The following UBA1 variants were observed in gnomAD, a reference collection of about 807,000 sequenced individuals.
UBA1 encodes ubiquitin like modifier activating enzyme 1.
Under a neutral mutation model 84.7 loss-of-function variants are expected in UBA1, and 4 were observed. The observed-to-expected ratio is 0.05, with a 90% CI of 0.02 to 0.11. The LOEUF (loss-of-function observed/expected upper bound fraction) is 0.11. Among genes scored for constraint, UBA1 ranks in the 10% least tolerant of loss-of-function variants. The probability of loss-of-function intolerance (pLI) is 1.00; values close to 1 mark genes in which losing one functional copy is unlikely to be tolerated. For synonymous variants in UBA1, 364 were observed against 362.6 expected (o/e 1.00, Z -0.04); for missense variants, 513 against 902.8 (o/e 0.57, Z 5.53).
intron 5 of UBA1, among the ~76,000 whole-genome samples, chrX:47,200,363 G>A (rs1043937433): frequency 3.3e-4 from 37 of 112,370 alleles, no homozygotes; most frequent in African/African-American, 5.2e-4. Flanking sequence ...AGTCCAGGCC[G>A]GAAAGAGGTG....
intron 20 of UBA1, among the ~76,000 whole-genome samples, chrX:47,211,527 A>T (rs1296266586): frequency 1.8e-5 from 2 of 110,841 alleles, no homozygotes; most frequent in Admixed American, 1.9e-4. Flanking sequence ...TTCATCTAGG[A>T]GGTATGATCT....
intron 1 of UBA1, among the ~76,000 whole-genome samples, chrX:47,196,072 C>T (rs189488435): frequency 9.0e-6 from 1 of 110,712 alleles, no homozygotes; most frequent in Non-Finnish European, 1.9e-5. Context: ...TGGGGCCCAG[C>T]AACTGTCCTC....
At position 47,198,914 on chromosome X, in the gene UBA1, A is replaced by G. The variant is rs1936301659; in HGVS notation, c.112A>G (p.Thr38Ala). Residue 38 changes from threonine to alanine, a missense_variant, in exon 2 of 26, where the codon ACC (threonine) becomes GCC (alanine). This residue lies in a region of UBA1 where 38 missense variants were observed against 43.4 expected (regional missense o/e 0.88). Transcript: ENST00000335972. ...GTTGTCCGAAGTGCCCTCGGTGCCAACCAACGTGAGTGTCCTCTCCGTGGA... is the reference window on the plus strand; with the variant it reads ...GTTGTCCGAAGTGCCCTCGGTGCCAGCCAACGTGAGTGTCCTCTCCGTGGA... The part of the protein sequence containing the change: ...SVLSEVPSVP[T>A]NGMAKNGSEA... 1.7e-6 allele frequency: 2 copies of G among 1,211,671 alleles called. No homozygotes were observed. Among genetic ancestry groups the G allele is most frequent in the Non-Finnish European group, 2.2e-6 (2 of 895,216 alleles).
chrX:47,193,589 A>T (rs1936099644), upstream of UBA1, among the ~76,000 whole-genome samples: 1 of 112,658 alleles, frequency 8.9e-6, no homozygotes. Context: ...CTTCCTTGAC[A>T]GCCTGGCTGC....
chrX:47,202,290 T>A, intron 9 of UBA1, 37 bp downstream of exon 9: 1 of 1,202,453 alleles, frequency 8.3e-7, no homozygotes, highest in Non-Finnish European at 1.1e-6. Flanking sequence ...CTGTGGGGGG[T>A]GGTTCTAGGC....
chrX:47,214,730 T>C (rs1312522540), intron 25 of UBA1, 64 bp from the exon 26 acceptor site: 1 of 1,200,885 alleles, frequency 8.3e-7, no homozygotes, highest in Non-Finnish European at 1.1e-6. Context: ...TGCCCCTACC[T>C]ACCTGCCCAT....
intron 20 of UBA1, 118 bp from the exon 21 acceptor site, chrX:47,212,306 T>C: frequency 1.9e-6 from 1 of 532,762 alleles, no homozygotes; most frequent in Non-Finnish European, 3.3e-6. Flanking sequence ...CCAGGATGTC[T>C]CTCCTTTCCA....
chrX:47,209,710 C>A, intron 17 of UBA1, 23 bp downstream of exon 17: 1 of 1,203,744 alleles, frequency 8.3e-7, no homozygotes, highest in Non-Finnish European at 1.1e-6. Flanking sequence ...AGTGCCCTCT[C>A]GCCCTGTCCC....
At chrX:47,205,841 G>GT (rs1408749408) in intron 14 of UBA1, 107 bp from the exon 15 acceptor site, 33 of 955,430 alleles carry the variant, frequency 3.5e-5, no homozygotes, top group Admixed American at 2.6e-5. Context: ...GTGATGGAGA[G>GT]AGACCCTGTC....
Position 47,203,135 on chromosome X carries a change from G to A in UBA1, c.1340G>A (p.Arg447His), listed in dbSNP as rs2070169. The change falls in exon 13 of 26, where the codon CGC becomes CAC. Residue 447 changes from arginine (R) to histidine (H), a missense_variant and splice_region_variant. Arg to His is a conservative substitution (Grantham distance 29). Around this residue, in one of 6 missense-constraint regions of UBA1, gnomAD observed 227 missense variants for 339.1 expected, o/e 0.67. Transcript: ENST00000335972. ...CCCTCCTCCCTTTGCATTCCTTAGC[G>A]CCAGAACCGTTATGACGGGCAAGTG... ...EVLTEDKCLQ[R>H]QNRYDGQVAV... 0.14 allele frequency: 168,195 copies of A among 1,209,233 alleles called. 9,977 individuals carry two copies. The highest frequency in any genetic ancestry group is 0.43 in the South Asian group (24,408 of 56,774).
intron 23 of UBA1, among the ~76,000 whole-genome samples, chrX:47,213,866 CAAAA>C (rs368610527): frequency 1.1e-5 from 1 of 94,462 alleles, no homozygotes; most frequent in Non-Finnish European, 2.2e-5. Context: ...GACTGCATCT[CAAAA>C]AAAAAAAAAG....
Position 47,202,927 on chromosome X carries a change from CCCTT to C in UBA1, c.1234-13_1234-10del. ...GTTAACCACTGACCACCCCCTCTCT[CCCTT>C]CCCCTCTCCAGGCCTGCTCCGGGAA... On this transcript the variant is annotated splice_polypyrimidine_tract_variant and intron_variant, in intron 11 of 25. Transcript: ENST00000335972. The C allele has an allele frequency of 8.3e-7, 1 of 1,208,478 alleles. No homozygotes were observed. Among genetic ancestry groups the C allele is most frequent in the Non-Finnish European group, 1.1e-6 (1 of 892,632 alleles).
intron 1 of UBA1, among the ~76,000 whole-genome samples, chrX:47,195,650 C>T (rs1936180257): frequency 9.0e-6 from 1 of 111,216 alleles, no homozygotes; most frequent in African/African-American, 3.3e-5. Flanking sequence ...GAAACCCAAC[C>T]CCATTTGGGG....
At chrX:47,199,933 C>T (rs1936342850) in intron 5 of UBA1, among the ~76,000 whole-genome samples, 1 of 110,296 alleles carries the variant, frequency 9.1e-6, no homozygotes, top group African/African-American at 3.3e-5. Context: ...CAGGCGCCTG[C>T]CACCACGCCC....
At chrX:47,192,149 A>G (rs1384506018), upstream of UBA1, among the ~76,000 whole-genome samples, 1 of 111,776 alleles carries the variant, frequency 8.9e-6, no homozygotes, top group African/African-American at 3.3e-5. Context: ...CAGGAAGGCT[A>G]AGTAATTTGC....
chrX:47,201,090 C>A, intron 6 of UBA1, 90 bp downstream of exon 6: 1 of 893,202 alleles, frequency 1.1e-6, no homozygotes. Context: ...CTGCCCTCAT[C>A]CCTTCTCAGC....
At chrX:47,199,689 A>G in intron 5 of UBA1, 75 bp downstream of exon 5, 1 of 1,134,722 alleles carries the variant, frequency 8.8e-7, no homozygotes, top group Non-Finnish European at 1.2e-6. Flanking sequence ...GTAGTGTTCA[A>G]TATTGATTTA....
Position 47,202,783 on chromosome X carries a change from T to C in UBA1, c.1202T>C (p.Ile401Thr), listed in dbSNP as rs1556788843. Residue 401 changes from isoleucine (I) to threonine (T), a missense_variant, in exon 11 of 26, where the codon ATT becomes ACT. Physicochemically the swap from Ile to Thr is moderately conservative, Grantham distance 89. Transcript: ENST00000335972. ...GATCTGGCACCCATAAACGCCTTCA[T>C]TGGGGGCCTGGCTGCCCAGGAAGTC... is the stretch of plus-strand genomic sequence containing the variant. ...AGDLAPINAF[I>T]GGLAAQEVMK... 8 of 1,208,902 alleles carry C rather than the reference T, an allele frequency of 6.6e-6. No homozygotes were observed. Among genetic ancestry groups the C allele is most frequent in the Non-Finnish European group, 6.7e-6 (6 of 893,926 alleles).
chrX:47,201,104 C>G, intron 6 of UBA1, 104 bp downstream of exon 6: 1 of 876,223 alleles, frequency 1.1e-6, no homozygotes. Flanking sequence ...TCTCAGCTAC[C>G]CAGGTTTTGG....
Sources: allele counts gnomAD v4.1 joint callset (sites outside exome capture counted in the v4.1 genomes callset), GRCh38; gene constraint gnomAD v4.1.1; regional missense constraint gnomAD v4.1.1; transcripts MANE v1.5; gene names NCBI Gene and HGNC (gene_info 2026-07-23, HGNC 2026-07-21).